TBCK: variants seen among roughly 807,000 people sequenced by gnomAD.
TBCK encodes the protein TBC1 domain containing kinase.
Under a neutral mutation model 113.4 loss-of-function variants are expected in TBCK, and 99 were observed. The observed-to-expected ratio is 0.87, with a 90% CI of 0.74 to 1.03. The LOEUF is 1.03. Among genes scored for constraint, TBCK ranks in the 50% least tolerant of loss-of-function variants. The pLI is 0.00. For synonymous variants in TBCK, 369 were observed against 370.8 expected (o/e 1.00, Z 0.05); for missense variants, 1,045 against 1,061.3 (o/e 0.98, Z 0.21).
At chr4:106,249,806 T>G (rs1349761710) in intron 7 of TBCK, among the ~76,000 whole-genome samples, 1 of 152,140 alleles carries the variant, frequency 6.6e-6, no homozygotes, top group Non-Finnish European at 1.5e-5. Flanking sequence ...AATACTTTCC[T>G]GTACATATTC....
chr4:106,161,042 G>A (rs1374235134), intron 23 of TBCK, among the ~76,000 whole-genome samples: 1 of 152,006 alleles, frequency 6.6e-6, no homozygotes, highest in Non-Finnish European at 1.5e-5. Context: ...GTGGAGAGGA[G>A]GGGAGAATAA....
At chr4:106,087,977 G>T (rs1326365254) in intron 25 of TBCK, among the ~76,000 whole-genome samples, 1 of 152,144 alleles carries the variant, frequency 6.6e-6, no homozygotes, top group African/African-American at 2.4e-5. Flanking sequence ...AGACTTAAAG[G>T]TAAAACCCAA....
At chr4:106,091,153 C>T (rs1420670215) in intron 25 of TBCK, among the ~76,000 whole-genome samples, 1 of 152,166 alleles carries the variant, frequency 6.6e-6, no homozygotes, top group African/African-American at 2.4e-5. Context: ...TTACAGAAAG[C>T]ATGGTGCTGA....
intron 3 of TBCK, among the ~76,000 whole-genome samples, chr4:106,289,538 A>G (rs1325469751): frequency 6.6e-6 from 1 of 152,148 alleles, no homozygotes; most frequent in East Asian, 1.9e-4. Context: ...TGAGAGGCTG[A>G]GGCGGGCAGA....
At chr4:106,210,515 G>T (rs1316560016) in intron 20 of TBCK, among the ~76,000 whole-genome samples, 1 of 152,066 alleles carries the variant, frequency 6.6e-6, no homozygotes, top group East Asian at 1.9e-4. Context: ...GATCTGAAAG[G>T]TTCCCTGACT....
chr4:106,205,772 C>CA (rs1755428185), intron 20 of TBCK, among the ~76,000 whole-genome samples: 2 of 140,240 alleles, frequency 1.4e-5, no homozygotes, highest in Non-Finnish European at 3.2e-5. Flanking sequence ...AAAAAAAAAA[C>CA]AACAAAAAAA....
chr4:106,083,105 C>T (rs1739090526), intron 25 of TBCK, among the ~76,000 whole-genome samples: 1 of 152,246 alleles, frequency 6.6e-6, no homozygotes, highest in African/African-American at 2.4e-5. Flanking sequence ...GCTGCGGCTA[C>T]CTGCTGTCTA....
chr4:106,054,199 A>G (rs1179038550), intron 25 of TBCK, among the ~76,000 whole-genome samples: 1 of 151,382 alleles, frequency 6.6e-6, no homozygotes, highest in African/African-American at 2.4e-5. Context: ...TCTGCAAACA[A>G]TTTCCCAACT....
chr4:106,125,434 C>A (rs1359994036), intron 23 of TBCK, among the ~76,000 whole-genome samples: 1 of 152,078 alleles, frequency 6.6e-6, no homozygotes, highest in Non-Finnish European at 1.5e-5. Flanking sequence ...GTGGCCCATG[C>A]TTGTAATCCC....
intron 23 of TBCK, among the ~76,000 whole-genome samples, chr4:106,148,181 C>T (rs1748051449): frequency 6.6e-6 from 1 of 152,192 alleles, no homozygotes; most frequent in African/African-American, 2.4e-5. Flanking sequence ...TTAATTTCAC[C>T]CCAGTCCTGT....
At chr4:106,146,451 G>A (rs1342051224) in intron 23 of TBCK, among the ~76,000 whole-genome samples, 1 of 152,142 alleles carries the variant, frequency 6.6e-6, no homozygotes, top group Non-Finnish European at 1.5e-5. Context: ...AGGAGGGAGA[G>A]TGGAAAGAGA....
chr4:106,128,963 GA>G (rs1470827469), intron 23 of TBCK, among the ~76,000 whole-genome samples: 3 of 152,114 alleles, frequency 2.0e-5, no homozygotes, highest in African/African-American at 7.2e-5. Context: ...TAAATATTTG[GA>G]AAAGAAAAGG....
chr4:106,192,749 AT>A (rs1487420707), intron 22 of TBCK, among the ~76,000 whole-genome samples: 1 of 152,056 alleles, frequency 6.6e-6, no homozygotes, highest in Non-Finnish European at 1.5e-5. Context: ...CTTGAGAGTA[AT>A]TAATAAAGAC....
intron 8 of TBCK, 51 bp from the exon 9 acceptor site, chr4:106,248,357 T>A: frequency 8.0e-7 from 1 of 1,248,518 alleles, no homozygotes; most frequent in Non-Finnish European, 1.1e-6. Context: ...ATTTTAGAAA[T>A]ATACTTTATT....
At chr4:106,056,822 T>C (rs1560586849) in intron 25 of TBCK, among the ~76,000 whole-genome samples, 1 of 151,764 alleles carries the variant, frequency 6.6e-6, no homozygotes. Flanking sequence ...TTGCTTACCA[T>C]AGTAAAGACA....
intron 23 of TBCK, among the ~76,000 whole-genome samples, chr4:106,123,391 G>A (rs1224709777): frequency 6.6e-6 from 1 of 152,136 alleles, no homozygotes; most frequent in African/African-American, 2.4e-5. Context: ...ACAAATGGAA[G>A]AACATTTCAT....
intron 23 of TBCK, among the ~76,000 whole-genome samples, chr4:106,124,161 A>G (rs569261403): frequency 0.076 from 11,570 of 152,070 alleles, 475 homozygotes; most frequent in Middle Eastern, 0.18. Flanking sequence ...ACAAGAAAAA[A>G]CAAACAACCC....
intron 5 of TBCK, among the ~76,000 whole-genome samples, chr4:106,252,643 G>A (rs914870595): frequency 6.6e-6 from 1 of 152,112 alleles, no homozygotes; most frequent in East Asian, 1.9e-4. Context: ...TTTCATTGAT[G>A]TACTTAATTT....
At chr4:106,263,299 A>G (rs1762668200) in intron 3 of TBCK, among the ~76,000 whole-genome samples, 1 of 151,968 alleles carries the variant, frequency 6.6e-6, no homozygotes, top group African/African-American at 2.4e-5. Flanking sequence ...ACAAACAGGC[A>G]GAATAAAAGG....
Sources: allele counts gnomAD v4.1 joint callset (sites outside exome capture counted in the v4.1 genomes callset), GRCh38; gene constraint gnomAD v4.1.1; transcripts MANE v1.5; gene names NCBI Gene and HGNC (gene_info 2026-07-23, HGNC 2026-07-21).